LIN54: variants seen among roughly 807,000 people sequenced by gnomAD.
The protein encoded by LIN54 is lin-54 DREAM MuvB core complex component, also known as protein lin-54 homolog.
A neutral mutation model predicts 78.7 loss-of-function variants in LIN54; 9 were observed. That is an observed-to-expected ratio of 0.11 (90% CI 0.07 to 0.20). The LOEUF (loss-of-function observed/expected upper bound fraction) is 0.20. LIN54 is among the 10% of genes least tolerant of loss of function. The probability of loss-of-function intolerance (pLI) is 1.00; values close to 1 mark genes in which losing one functional copy is unlikely to be tolerated. For missense variants in LIN54, 573 were observed against 889.9 expected, an observed-to-expected ratio of 0.64 and a Z score of 4.53; for synonymous variants, 269 against 318.4, an observed-to-expected ratio of 0.84 and a Z score of 1.65.
intron 4 of LIN54, among the ~76,000 whole-genome samples, chr4:82,967,270 C>T (rs1172339346): frequency 6.6e-6 from 1 of 151,920 alleles, no homozygotes; most frequent in African/African-American, 2.4e-5. Context: ...AGAAACTTAG[C>T]TGTATCTTGG....
At chr4:82,984,948 G>C in intron 1 of LIN54, 72 bp from the exon 2 acceptor site, 1 of 989,432 alleles carries the variant, frequency 1.0e-6, no homozygotes. Context: ...CAAAAAAAAT[G>C]CAAATGGCAA....
At chr4:83,002,812 T>C (rs187495261) in intron 1 of LIN54, among the ~76,000 whole-genome samples, 35 of 152,372 alleles carry the variant, frequency 2.3e-4, no homozygotes, top group Admixed American at 1.4e-3. Flanking sequence ...TAATCAACTA[T>C]GTATGTTATC....
At chr4:82,946,062 C>T (rs1484148226) in intron 5 of LIN54, among the ~76,000 whole-genome samples, 196 bp downstream of exon 5, 1 of 152,206 alleles carries the variant, frequency 6.6e-6, no homozygotes, top group Non-Finnish European at 1.5e-5. Flanking sequence ...TAATACCACA[C>T]TGTGTACCAA....
At chr4:82,999,117 C>T (rs1728514135) in intron 1 of LIN54, among the ~76,000 whole-genome samples, 1 of 152,168 alleles carries the variant, frequency 6.6e-6, no homozygotes, top group Admixed American at 6.5e-5. Flanking sequence ...TTCCTCCTTC[C>T]AGTAAATTGT....
intron 1 of LIN54, among the ~76,000 whole-genome samples, chr4:82,995,215 G>A (rs757568021): frequency 2.0e-5 from 3 of 151,970 alleles, no homozygotes; most frequent in Non-Finnish European, 4.4e-5. Context: ...CAGGAGGAAA[G>A]TGTAATCTCA....
chr4:82,955,916 T>G (rs1724291055), intron 4 of LIN54, among the ~76,000 whole-genome samples: 1 of 152,198 alleles, frequency 6.6e-6, no homozygotes, highest in African/African-American at 2.4e-5. Context: ...AATTCCAAAG[T>G]TGGATGAAAG....
chr4:83,004,334 G>A lies in LIN54; in HGVS notation c.-33+6150C>T, dbSNP rs540235364. On this transcript the variant is annotated intron_variant, in intron 1 of 12. Coordinates refer to ENST00000340417, the MANE Select transcript of LIN54 (RefSeq NM_194282.4). ...AAATCGCTTGAACCTGGGAGGCGGA[G>A]GTTGCAGTGAGCCAAGATCGCGCCA... 3.3e-5 allele frequency among the ~76,000 whole-genome samples: 5 copies of A among 149,356 alleles called. No individual in the cohort carries two copies. The South Asian group carries it at 1.1e-3, about 32-fold the overall frequency.
At chr4:82,994,620 G>A (rs185105936) in intron 1 of LIN54, among the ~76,000 whole-genome samples, 3 of 151,890 alleles carry the variant, frequency 2.0e-5, no homozygotes, top group South Asian at 2.1e-4. Flanking sequence ...GACTGGTCTC[G>A]AACTCCTGAC....
Position 82,978,865 on chromosome 4 carries a change from A to T in LIN54, c.808+18T>A. 2 of 1,439,738 alleles carry T rather than the reference A, an allele frequency of 1.4e-6. No homozygotes were observed. Among genetic ancestry groups the T allele is most frequent in the Non-Finnish European group, 1.9e-6 (2 of 1,045,200 alleles). The allele number at this position is 1,439,738 out of a possible 1,614,324, so 89.2% of individuals were successfully genotyped here. A position where few individuals can be genotyped will look rare whatever the true frequency, so the allele number is the denominator to read the frequency against. On this transcript the variant is annotated intron_variant, in intron 3 of 12. Transcript: ENST00000340417. ...GGAAGATAAATATTTAGCTTAATAA[A>T]CTATAAAGAAATATAACCTGCAATA... is the stretch of plus-strand genomic sequence containing the variant.
intron 4 of LIN54, among the ~76,000 whole-genome samples, chr4:82,967,379 C>T (rs1308677648): frequency 6.6e-6 from 1 of 152,112 alleles, no homozygotes; most frequent in African/African-American, 2.4e-5. Flanking sequence ...GAAACTGGTC[C>T]CAGCCTGGAA....
chr4:82,947,394 T>TTGTGTGTGTG (rs57298736), intron 4 of LIN54, among the ~76,000 whole-genome samples: 29 of 124,656 alleles, frequency 2.3e-4, no homozygotes, highest in South Asian at 5.7e-4. Context: ...CCCAGTTAAT[T>TTGTGTGTGTG]TGTGTGTGTG....
At chr4:82,945,918 G>A (rs1723316451) in intron 5 of LIN54, among the ~76,000 whole-genome samples, 1 of 152,072 alleles carries the variant, frequency 6.6e-6, no homozygotes, top group Non-Finnish European at 1.5e-5. Context: ...CCTATCAAGG[G>A]GCTTTATAGT....
chr4:82,987,030 C>T (rs1727209236), intron 1 of LIN54, among the ~76,000 whole-genome samples: 1 of 152,198 alleles, frequency 6.6e-6, no homozygotes, highest in Admixed American at 6.5e-5. Flanking sequence ...CTGGCTCTTA[C>T]CTGTAATCCC....
intron 4 of LIN54, among the ~76,000 whole-genome samples, chr4:82,969,007 A>C (rs1243260428): frequency 6.6e-6 from 1 of 152,172 alleles, no homozygotes; most frequent in Non-Finnish European, 1.5e-5. Context: ...TAAGCAGATA[A>C]GGGCGAGAAT....
intron 1 of LIN54, among the ~76,000 whole-genome samples, chr4:83,008,616 C>A (rs1729605436): frequency 6.6e-6 from 1 of 151,920 alleles, no homozygotes; most frequent in South Asian, 2.1e-4. Context: ...CGCGCCACTG[C>A]ACTCTAGCCT....
At chr4:82,963,066 C>T (rs1032687011) in intron 4 of LIN54, among the ~76,000 whole-genome samples, 16 of 151,320 alleles carry the variant, frequency 1.1e-4, no homozygotes, top group Admixed American at 5.3e-4. Flanking sequence ...ATAGTCCAAA[C>T]GCAGAAATCC....
chr4:82,981,341 C>A (rs1301403924), intron 2 of LIN54, among the ~76,000 whole-genome samples: 1 of 152,098 alleles, frequency 6.6e-6, no homozygotes, highest in East Asian at 1.9e-4. Context: ...TATAATTATA[C>A]CTCTGTTACT....
Position 82,936,265 on chromosome 4 carries a change from T to TA in LIN54, c.1707+13dup, listed in dbSNP as rs771749201. ...GGATATTTCTGTCAGTTAAATGAAA[T>TA]AAAAAATAATCACCTTTATTGCTTT... On this transcript the variant is annotated intron_variant, in intron 10 of 12. Transcript: ENST00000340417. 3 of 1,531,036 alleles carry TA rather than the reference T, an allele frequency of 2.0e-6. No homozygotes were observed. Among genetic ancestry groups the TA allele is most frequent in the Non-Finnish European group, 1.8e-6 (2 of 1,121,634 alleles). 94.8% of individuals were successfully genotyped at this position (1,531,036 alleles called of 1,614,324 possible).
chr4:82,999,078 C>T (rs894679716), intron 1 of LIN54, among the ~76,000 whole-genome samples: 5 of 152,174 alleles, frequency 3.3e-5, no homozygotes, highest in Non-Finnish European at 5.9e-5. Context: ...TCAAGTGTTG[C>T]CACTAATTGT....
Sources: allele counts gnomAD v4.1 joint callset (sites outside exome capture counted in the v4.1 genomes callset), GRCh38; gene constraint gnomAD v4.1.1; transcripts MANE v1.5; gene names NCBI Gene and HGNC (gene_info 2026-07-23, HGNC 2026-07-21).